Variants in PATJ observed in about 807,000 individuals in gnomAD.
The protein encoded by PATJ is inaD-like protein.
In PATJ, 190 loss-of-function variants were observed where a neutral mutation model predicts 224.9. The observed-to-expected ratio is 0.84, with a 90% confidence interval of 0.75 to 0.95. The LOEUF (loss-of-function observed/expected upper bound fraction) is 0.95, where lower values mean the gene tolerates loss of function less well. Ranked by LOEUF, PATJ falls within the 40% of genes least tolerant of loss-of-function variation. PATJ has a pLI of 0.00. For synonymous variants in PATJ, 769 were observed against 820.3 expected (o/e 0.94, Z 1.07); for missense variants, 2,121 against 2,270.3 (o/e 0.93, Z 1.34).
At chr1:62,010,032 G>A (rs1455744016) in intron 28 of PATJ, among the ~76,000 whole-genome samples, 5 of 144,568 alleles carry the variant, frequency 3.5e-5, no homozygotes, top group Non-Finnish European at 6.0e-5. Context: ...ACAGTGAGCC[G>A]AGATCGTACC....
chr1:61,976,298 T>C (rs1342520880), intron 27 of PATJ, among the ~76,000 whole-genome samples: 1 of 152,062 alleles, frequency 6.6e-6, no homozygotes, highest in African/African-American at 2.4e-5. Flanking sequence ...TCTTACCAAT[T>C]ACTTACTTTG....
At chr1:62,082,611 T>G (rs1016307973) in intron 32 of PATJ, among the ~76,000 whole-genome samples, 5 of 151,722 alleles carry the variant, frequency 3.3e-5, no homozygotes, top group Non-Finnish European at 7.4e-5. Flanking sequence ...TATTTTAGGC[T>G]TATGGGCCAC....
chr1:62,071,597 A>G (rs1657427652), intron 31 of PATJ, among the ~76,000 whole-genome samples: 1 of 150,700 alleles, frequency 6.6e-6, no homozygotes, highest in African/African-American at 2.4e-5. Flanking sequence ...AGGTAAAAGC[A>G]ATTCTTCTGC....
intron 24 of PATJ, among the ~76,000 whole-genome samples, chr1:61,907,296 C>A (rs1382704276): frequency 6.6e-6 from 1 of 152,198 alleles, no homozygotes; most frequent in African/African-American, 2.4e-5. Flanking sequence ...GTCTTGCTCT[C>A]AGTTTAAGGT....
chr1:61,833,071 G>C (rs1441000134), intron 16 of PATJ, among the ~76,000 whole-genome samples: 1 of 152,052 alleles, frequency 6.6e-6, no homozygotes, highest in East Asian at 1.9e-4. Context: ...TTTCAACTCA[G>C]TGATTTTTAT....
intron 1 of PATJ, among the ~76,000 whole-genome samples, chr1:61,756,927 A>G (rs1553151464): frequency 6.6e-6 from 1 of 151,974 alleles, no homozygotes; most frequent in Non-Finnish European, 1.5e-5. Context: ...CAGTATTCCT[A>G]AACTTTGTAG....
chr1:61,869,498 T>G (rs1189580352), intron 20 of PATJ, among the ~76,000 whole-genome samples: 11 of 152,156 alleles, frequency 7.2e-5, no homozygotes. Context: ...TCGACCCACC[T>G]CAAGAGGGAA....
chr1:62,110,044 G>A (rs1464624829), intron 34 of PATJ, among the ~76,000 whole-genome samples: 2 of 152,162 alleles, frequency 1.3e-5, no homozygotes, highest in Admixed American at 1.3e-4. Flanking sequence ...TAAGTGAGAG[G>A]AGAATTTTTC....
At chr1:62,143,008 T>C (rs1312864311) in intron 41 of PATJ, among the ~76,000 whole-genome samples, 1 of 152,056 alleles carries the variant, frequency 6.6e-6, no homozygotes, top group African/African-American at 2.4e-5. Flanking sequence ...CAAAGGTGAA[T>C]GGGGATTCCA....
chr1:61,800,224 A>G (rs992226092), intron 11 of PATJ, among the ~76,000 whole-genome samples: 3 of 152,230 alleles, frequency 2.0e-5, no homozygotes, highest in African/African-American at 7.2e-5. Flanking sequence ...CCAACAGTGT[A>G]TAAGTGTTCT....
chr1:62,080,695 C>T (rs902716215), intron 32 of PATJ, among the ~76,000 whole-genome samples: 5 of 152,138 alleles, frequency 3.3e-5, no homozygotes, highest in African/African-American at 1.2e-4. Flanking sequence ...CAGTACTCAC[C>T]AATGGCAAAG....
At chr1:61,894,038 T>A (rs140722291) in intron 22 of PATJ, among the ~76,000 whole-genome samples, 2,284 of 152,018 alleles carry the variant, frequency 0.015, 57 homozygotes, top group African/African-American at 0.052. Context: ...GCAGATCACC[T>A]GAGGTCAAGA....
chr1:61,881,612 A>G (rs1324824302), intron 21 of PATJ, among the ~76,000 whole-genome samples: 1 of 151,938 alleles, frequency 6.6e-6, no homozygotes, highest in African/African-American at 2.4e-5. Context: ...GGATTTTGCC[A>G]TGTTGTCCAG....
intron 39 of PATJ, among the ~76,000 whole-genome samples, chr1:62,125,264 C>CAAAAAAAAAAAAAAAA (rs1284483252): frequency 1.6e-5 from 1 of 64,198 alleles, no homozygotes; most frequent in African/African-American, 5.9e-5. Context: ...CAAAAAAAAA[C>CAAAAAAAAAAAAAAAA]AAAAAAAAAA....
At position 62,117,756 on chromosome 1, in the gene PATJ, C is replaced by CT. The variant is rs1290704337; in HGVS notation, c.4890+538_4890+539insT. On this transcript the variant is annotated intron_variant, in intron 37 of 43. Coordinates refer to ENST00000642238, the MANE Select transcript of PATJ (RefSeq NM_001350145.3). The stretch of plus-strand genomic sequence containing the variant: ...TTATTTGCAAAGCTGATGTAAGTGC[C>CT]ATTTTTTTTTAGCAAAGTATATTTC... 3.4e-4 allele frequency among the ~76,000 whole-genome samples: 49 copies of CT among 142,042 alleles called. No homozygotes were observed. In the East Asian group the frequency reaches 0.019, roughly 54 times the overall value. 93.2% of individuals were successfully genotyped at this position (142,042 alleles called of 152,430 possible). A position where few individuals can be genotyped will look rare whatever the true frequency, so the allele number is the denominator to read the frequency against.
intron 6 of PATJ, among the ~76,000 whole-genome samples, chr1:61,773,140 C>T (rs532942439): frequency 2.6e-5 from 4 of 152,160 alleles, no homozygotes; most frequent in African/African-American, 9.6e-5. Context: ...CCTGCCTCAG[C>T]CTCCTAAGTA....
At chr1:62,136,237 G>C (rs1383854520) in intron 41 of PATJ, among the ~76,000 whole-genome samples, 1 of 151,270 alleles carries the variant, frequency 6.6e-6, no homozygotes, top group Non-Finnish European at 1.5e-5. Flanking sequence ...TCTCCATGTT[G>C]GTCAGGCTGG....
intron 28 of PATJ, chr1:62,013,336 A>T (rs1392301954): frequency 1.7e-5 from 17 of 985,022 alleles, no homozygotes; most frequent in Non-Finnish European, 2.0e-5. Flanking sequence ...TTTTTTTTTA[A>T]CCTTAGTCAC....
At chr1:62,059,030 C>T (rs1010511858) in intron 31 of PATJ, among the ~76,000 whole-genome samples, 1 of 152,100 alleles carries the variant, frequency 6.6e-6, no homozygotes, top group Non-Finnish European at 1.5e-5. Flanking sequence ...TTATGTACTC[C>T]GAGTTTATCT....
Sources: gnomAD v4.1 joint callset for allele counts (sites outside exome capture counted in the v4.1 genomes callset) on GRCh38, gnomAD v4.1.1 for gene constraint, MANE v1.5 for transcripts, NCBI Gene and HGNC (gene_info 2026-07-23, HGNC 2026-07-21) for gene names.